Variants in AFF3 observed in about 807,000 individuals in gnomAD.
The protein encoded by AFF3 is AF4/FMR2 family member 3.
AFF3 carries 32 observed loss-of-function variants against 129.7 expected under a neutral mutation model. That is an observed-to-expected ratio of 0.25 (90% CI 0.19 to 0.33). AFF3 has a LOEUF of 0.33. AFF3 is among the 10% of genes least tolerant of loss of function. AFF3 has a pLI of 1.00. For synonymous variants in AFF3, 644 were observed against 635.4 expected, an observed-to-expected ratio of 1.01 and a Z score of -0.20; for missense variants, 1,373 against 1,592.0, an observed-to-expected ratio of 0.86 and a Z score of 2.34.
chr2:99,966,761 C>G (rs1576447196), intron 7 of AFF3, among the ~76,000 whole-genome samples: 1 of 127,948 alleles, frequency 7.8e-6, no homozygotes, highest in African/African-American at 2.8e-5. Context: ...CAGTAAAATT[C>G]AATAGAGATA....
At chr2:99,643,152 T>C (rs949058735) in intron 13 of AFF3, among the ~76,000 whole-genome samples, 1 of 138,448 alleles carries the variant, frequency 7.2e-6, no homozygotes, top group South Asian at 2.4e-4. Flanking sequence ...CCCCGCCTCC[T>C]GGGTTCAAGC....
chr2:99,761,103 C>T (rs1037167421), intron 8 of AFF3, among the ~76,000 whole-genome samples: 7 of 151,680 alleles, frequency 4.6e-5, no homozygotes, highest in Non-Finnish European at 8.8e-5. Flanking sequence ...TGAGAATCCA[C>T]GTATCTGCCT....
At chr2:99,626,907 T>C (rs1682640454) in intron 13 of AFF3, among the ~76,000 whole-genome samples, 1 of 152,190 alleles carries the variant, frequency 6.6e-6, no homozygotes, top group Admixed American at 6.5e-5. Flanking sequence ...GAACATGATT[T>C]GTTCTTTTTT....
intron 8 of AFF3, among the ~76,000 whole-genome samples, chr2:99,780,291 C>T (rs1184981439): frequency 6.6e-6 from 1 of 152,232 alleles, no homozygotes; most frequent in Admixed American, 6.5e-5. Flanking sequence ...CCTACTGAAC[C>T]TCTCAGCGCT....
intron 11 of AFF3, among the ~76,000 whole-genome samples, chr2:99,706,919 C>CA (rs111587678): frequency 4.6e-5 from 7 of 152,310 alleles, no homozygotes; most frequent in African/African-American, 1.7e-4. Flanking sequence ...CCCAACATAT[C>CA]ATCTGTTGGA....
intron 8 of AFF3, among the ~76,000 whole-genome samples, chr2:99,809,380 T>A (rs1686614854): frequency 1.3e-5 from 2 of 152,218 alleles, no homozygotes; most frequent in Non-Finnish European, 2.9e-5. Flanking sequence ...CCTGCACCTC[T>A]GGCAGTGGGG....
chr2:99,898,220 T>C (rs1192197660), intron 7 of AFF3, among the ~76,000 whole-genome samples: 1 of 152,236 alleles, frequency 6.6e-6, no homozygotes, highest in Non-Finnish European at 1.5e-5. Context: ...AGAATGGACA[T>C]TTTTTCCCTA....
At chr2:99,652,380 G>T (rs1437895011) in intron 12 of AFF3, among the ~76,000 whole-genome samples, 1 of 152,102 alleles carries the variant, frequency 6.6e-6, no homozygotes. Flanking sequence ...TGGGGCCAGG[G>T]ATACTAAAGC....
At chr2:99,826,715 C>T (rs112070676) in intron 8 of AFF3, among the ~76,000 whole-genome samples, 1,824 of 152,172 alleles carry the variant, frequency 0.012, 37 homozygotes, top group African/African-American at 0.042. Context: ...AGCATACGCA[C>T]GGCCACAGCA....
At chr2:99,824,190 G>A (rs972780433) in intron 8 of AFF3, among the ~76,000 whole-genome samples, 26 of 151,034 alleles carry the variant, frequency 1.7e-4, no homozygotes, top group Non-Finnish European at 3.8e-4. Context: ...ATCTCGGCTC[G>A]CCGCAACCTC....
chr2:100,092,522 CA>C (rs1244771733), intron 4 of AFF3, among the ~76,000 whole-genome samples: 1 of 152,236 alleles, frequency 6.6e-6, no homozygotes, highest in East Asian at 1.9e-4. Context: ...TGCAGGCCAT[CA>C]CCTACTGGAA....
At chr2:100,107,588 C>G (rs899679395) in intron 2 of AFF3, 2 of 844,162 alleles carry the variant, frequency 2.4e-6, no homozygotes, top group Non-Finnish European at 2.9e-6. Context: ...TGGATGCAAG[C>G]AACACCCCTG....
chr2:99,905,318 C>A (rs1694631967), intron 7 of AFF3, among the ~76,000 whole-genome samples: 1 of 152,198 alleles, frequency 6.6e-6, no homozygotes, highest in South Asian at 2.1e-4. Flanking sequence ...AGGCTTCCAA[C>A]AAGAACTTGC....
chr2:99,897,270 G>A (rs1450898420), intron 7 of AFF3, among the ~76,000 whole-genome samples: 1 of 152,088 alleles, frequency 6.6e-6, no homozygotes, highest in Non-Finnish European at 1.5e-5. Context: ...AGACAAATTG[G>A]ATGGTAAGCA....
At chr2:100,032,441 A>AC (rs397795839) in intron 4 of AFF3, among the ~76,000 whole-genome samples, 3 of 151,662 alleles carry the variant, frequency 2.0e-5, no homozygotes. Context: ...AAAAAAAAAA[A>AC]GTATGCCCAA....
intron 7 of AFF3, among the ~76,000 whole-genome samples, chr2:99,859,620 G>A (rs941267663): frequency 6.6e-6 from 1 of 152,086 alleles, no homozygotes; most frequent in African/African-American, 2.4e-5. Context: ...TGTTTTCTAT[G>A]TGTTCATTTT....
At position 99,878,178 on chromosome 2, in the gene AFF3, C is replaced by T. The variant is rs1692436282; in HGVS notation, c.874-40654G>A. Among the ~76,000 whole-genome samples the T allele has an allele frequency of 2.6e-5, 4 of 152,236 alleles. No individual in the cohort carries two copies. In the South Asian group the frequency reaches 6.2e-4, roughly 24 times the overall value. On this transcript the variant is annotated intron_variant, in intron 7 of 24. Transcript: ENST00000672756. Reference sequence around the variant, plus strand: ...CGGAAAGAGGAAGGTTGCCTAACCTCGATGGCAATATTCTCTAGGTCATCC... The same window carrying T: ...CGGAAAGAGGAAGGTTGCCTAACCTTGATGGCAATATTCTCTAGGTCATCC...
intron 8 of AFF3, among the ~76,000 whole-genome samples, chr2:99,776,387 G>A (rs1683904962): frequency 6.6e-6 from 1 of 152,182 alleles, no homozygotes; most frequent in Non-Finnish European, 1.5e-5. Context: ...TCCAGATGAG[G>A]CACATTTGCC....
chr2:99,813,228 G>C lies in AFF3; in HGVS notation c.921+24249C>G, dbSNP rs552153746. Among the ~76,000 whole-genome samples, 59 of 152,226 alleles carry C rather than the reference G, an allele frequency of 3.9e-4. 1 individual carries two copies. The South Asian group carries it at 8.5e-3, about 22-fold the overall frequency. On this transcript the variant is annotated intron_variant, in intron 8 of 24. Transcript: ENST00000672756. ...GGAGGCTGTGGAGTTGCTCACACGA[G>C]GTTTTTCTAAAGATGAGACGGCACC...
Sources: gnomAD v4.1 joint callset for allele counts (sites outside exome capture counted in the v4.1 genomes callset) on GRCh38, gnomAD v4.1.1 for gene constraint, MANE v1.5 for transcripts, NCBI Gene and HGNC (gene_info 2026-07-23, HGNC 2026-07-21) for gene names.